The following NFKB1 variants were observed in gnomAD, a reference collection of about 807,000 sequenced individuals.
NFKB1 encodes nuclear factor NF-kappa-B p105 subunit.
In NFKB1, 9 loss-of-function variants were observed where a neutral mutation model predicts 105.1. That is an observed-to-expected ratio of 0.09 (90% CI 0.05 to 0.15). NFKB1 has a LOEUF of 0.15. NFKB1 is among the 10% of genes least tolerant of loss of function. NFKB1 has a pLI of 1.00. For synonymous variants in NFKB1, 440 were observed against 442.2 expected (o/e 1.00, Z 0.06); for missense variants, 830 against 1,203.7 (o/e 0.69, Z 4.59).
intron 5 of NFKB1, among the ~76,000 whole-genome samples, chr4:102,541,932 G>A (rs887129037): frequency 6.6e-5 from 10 of 152,256 alleles, no homozygotes; most frequent in Admixed American, 5.2e-4. Context: ...ACCTGGAAAC[G>A]CTGATAGTTC....
intron 5 of NFKB1, among the ~76,000 whole-genome samples, chr4:102,542,653 G>C (rs771675214): frequency 5.9e-5 from 9 of 152,102 alleles, no homozygotes; most frequent in Non-Finnish European, 1.2e-4. Flanking sequence ...TACTACATAA[G>C]AATGCATCTA....
chr4:102,578,464 G>A (rs1725046943), intron 7 of NFKB1: 1 of 194,874 alleles, frequency 5.1e-6, no homozygotes, highest in Admixed American at 5.8e-5. Context: ...TGGCACTGTG[G>A]AATGAGCTCA....
intron 7 of NFKB1, 41 bp downstream of exon 7, chr4:102,577,080 A>G: frequency 1.9e-6 from 3 of 1,582,504 alleles, no homozygotes; most frequent in South Asian, 1.2e-5. Flanking sequence ...CAAGGGGTCC[A>G]GGCTTTGGTT....
At chr4:102,511,087 T>A in intron 1 of NFKB1, 2 of 489,142 alleles carry the variant, frequency 4.1e-6, no homozygotes, top group Non-Finnish European at 6.1e-6. Context: ...TTTATTTTTT[T>A]ATTATTTTTT....
At chr4:102,565,320 A>G (rs1323301384) in intron 5 of NFKB1, among the ~76,000 whole-genome samples, 5 of 152,286 alleles carry the variant, frequency 3.3e-5, no homozygotes, top group African/African-American at 1.2e-4. Flanking sequence ...AAGTGCATGC[A>G]TACAGGCCTT....
chr4:102,527,552 C>G (rs1741001730), intron 2 of NFKB1, among the ~76,000 whole-genome samples: 1 of 152,136 alleles, frequency 6.6e-6, no homozygotes, highest in Non-Finnish European at 1.5e-5. Context: ...ACATATATAG[C>G]ATTTATCACT....
chr4:102,580,786 C>G (rs534253699), intron 9 of NFKB1, 147 bp downstream of exon 9: 1 of 587,842 alleles, frequency 1.7e-6, no homozygotes, highest in Non-Finnish European at 2.9e-6. Flanking sequence ...TACGTTTTAC[C>G]TCTTCCAAAT....
intron 1 of NFKB1, among the ~76,000 whole-genome samples, chr4:102,503,766 A>C (rs1369234293): frequency 6.6e-6 from 1 of 152,212 alleles, no homozygotes; most frequent in Non-Finnish European, 1.5e-5. Context: ...AAATAGGCAG[A>C]ATTTTAGATT....
chr4:102,597,129 C>T (rs908727392), intron 14 of NFKB1, among the ~76,000 whole-genome samples: 3 of 152,074 alleles, frequency 2.0e-5, no homozygotes, highest in Non-Finnish European at 4.4e-5. Flanking sequence ...GCCTAACAAG[C>T]TAATTGTTAG....
Position 102,584,675 on chromosome 4 carries a change from C to T in NFKB1, c.928-7C>T. On this transcript the variant is annotated splice_region_variant and splice_polypyrimidine_tract_variant and intron_variant, in intron 10 of 23. Coordinates refer to ENST00000226574, the MANE Select transcript of NFKB1 (RefSeq NM_003998.4). ...TACACCAACATGTGGTTCTTCGTAT[C>T]CTGCAGTTTGCCATTGTCTTCAAAA... The T allele has an allele frequency of 1.3e-6, 2 of 1,584,796 alleles. No individual in the cohort carries two copies. The highest frequency in any genetic ancestry group is 1.7e-6 in the Non-Finnish European group (2 of 1,169,676).
chr4:102,614,102 C>T (rs4648122), intron 23 of NFKB1, among the ~76,000 whole-genome samples: 1 of 152,030 alleles, frequency 6.6e-6, no homozygotes, highest in African/African-American at 2.4e-5. Context: ...TATTTCTAAA[C>T]CCCCAACACT....
intron 1 of NFKB1, among the ~76,000 whole-genome samples, chr4:102,511,407 G>T (rs1207121885): frequency 2.0e-5 from 3 of 152,214 alleles, no homozygotes; most frequent in Non-Finnish European, 4.4e-5. Flanking sequence ...GGGCGTAGTG[G>T]CTCATATCTG....
At chr4:102,523,267 A>G (rs531799638) in intron 1 of NFKB1, among the ~76,000 whole-genome samples, 15 of 152,322 alleles carry the variant, frequency 9.8e-5, no homozygotes, top group African/African-American at 1.9e-4. Context: ...GATTTGTTTA[A>G]TTGTGGCTGT....
intron 1 of NFKB1, among the ~76,000 whole-genome samples, chr4:102,518,545 T>C (rs1260295890): frequency 6.6e-6 from 1 of 152,212 alleles, no homozygotes; most frequent in African/African-American, 2.4e-5. Flanking sequence ...CCTATTTGCC[T>C]TCCTACTTCC....
Position 102,597,643 on chromosome 4 carries a change from A to T in NFKB1, c.1619A>T (p.Gln540Leu), listed in dbSNP as rs1305790811. ...GTCCAGCGCCATCTCACTGCTGTGCAGGATGAGAATGGGGACAGGTAAGTC... is the reference window on the plus strand; with the variant it reads ...GTCCAGCGCCATCTCACTGCTGTGCTGGATGAGAATGGGGACAGGTAAGTC... ...LAVQRHLTAVQDENGDSVLHL... is the reference protein window; with the variant it reads ...LAVQRHLTAVLDENGDSVLHL... Residue 540 changes from glutamine (Q) to leucine (L), a missense_variant, in exon 15 of 24, where the codon CAG becomes CTG. Gln to Leu is a moderately radical substitution (Grantham distance 113). Around this residue, in one of 8 missense-constraint regions of NFKB1, gnomAD observed 418 missense variants for 575.3 expected, o/e 0.73. Coordinates refer to ENST00000226574, the MANE Select transcript of NFKB1 (RefSeq NM_003998.4). 6.2e-7 allele frequency: 1 copy of T among 1,613,052 alleles called. No homozygotes were observed. Among genetic ancestry groups the T allele is most frequent in the East Asian group, 2.2e-5 (1 of 44,872 alleles).
At chr4:102,506,870 G>C (rs1383976711) in intron 1 of NFKB1, among the ~76,000 whole-genome samples, 1 of 151,228 alleles carries the variant, frequency 6.6e-6, no homozygotes, top group African/African-American at 2.4e-5. Context: ...TTAAAAGTTA[G>C]TTACATATAT....
chr4:102,508,165 G>A (rs192723333), intron 1 of NFKB1, among the ~76,000 whole-genome samples: 4 of 152,308 alleles, frequency 2.6e-5, no homozygotes, highest in Non-Finnish European at 5.9e-5. Context: ...GCTTAAACAT[G>A]TATTGGTGTT....
chr4:102,590,711 T>G (rs1726098678), intron 11 of NFKB1, among the ~76,000 whole-genome samples: 1 of 152,194 alleles, frequency 6.6e-6, no homozygotes, highest in Non-Finnish European at 1.5e-5. Flanking sequence ...CAGGCTTCCC[T>G]ATTCCCTATC....
At chr4:102,539,875 T>C (rs954629119) in intron 5 of NFKB1, among the ~76,000 whole-genome samples, 1 of 152,080 alleles carries the variant, frequency 6.6e-6, no homozygotes, top group Non-Finnish European at 1.5e-5. Context: ...GGACAAATTA[T>C]GGGCAGACAA....
Sources: allele counts gnomAD v4.1 joint callset (sites outside exome capture counted in the v4.1 genomes callset), GRCh38; gene constraint gnomAD v4.1.1; regional missense constraint gnomAD v4.1.1; transcripts MANE v1.5; gene names NCBI Gene and HGNC (gene_info 2026-07-23, HGNC 2026-07-21).